ARSG: variants seen among roughly 807,000 people sequenced by gnomAD.
ARSG encodes arylsulfatase G.
Under a neutral mutation model 50.5 loss-of-function variants are expected in ARSG, and 37 were observed. That is an observed-to-expected ratio of 0.73 (90% CI 0.56 to 0.96). ARSG has a LOEUF of 0.96. Ranked by LOEUF, ARSG falls within the 50% of genes least tolerant of loss-of-function variation. The pLI is 0.00. For synonymous variants in ARSG, 225 were observed against 254.6 expected, an observed-to-expected ratio of 0.88 and a Z score of 1.11; for missense variants, 629 against 675.3, an observed-to-expected ratio of 0.93 and a Z score of 0.76.
At chr17:68,426,247 A>C (rs3744304), downstream of ARSG, 3 of 655,804 alleles carry the variant, frequency 4.6e-6, no homozygotes, top group East Asian at 4.3e-5. Flanking sequence ...GCGGGTGGGG[A>C]GCGGGGGCTC....
At chr17:68,444,536 C>T in the ARSG span, 3 of 1,614,168 alleles carry the variant, frequency 1.9e-6, no homozygotes, top group Non-Finnish European at 2.5e-6. Context: ...TCAACAGCTT[C>T]ATGTCTTTAA....
rs149045241 is a variant in ARSG at position 68,376,276 on chromosome 17, C to CGTTTTTTTTTTTTTTTTTTTTTTTTT, written c.982+5752_982+5753insGTTTTTTTTTTTTTTTTTTTTTTTTT. Among the ~76,000 whole-genome samples, 3 of 131,944 alleles carry CGTTTTTTTTTTTTTTTTTTTTTTTTT rather than the reference C, an allele frequency of 2.3e-5. 1 individual carries two copies. The highest frequency in any genetic ancestry group is 6.0e-5 in the African/African-American group (2 of 33,430). The allele number at this position is 131,944 out of a possible 152,430, so 86.6% of individuals were successfully genotyped here. On this transcript the variant is annotated intron_variant, in intron 8 of 11. Coordinates refer to ENST00000621439, the MANE Select transcript of ARSG (RefSeq NM_001267727.2). ...CAGGAGTGTGCCACTGCGCCCCCTGCATTTTTTTTTTTTTTTCTGAGATAG... is the reference window on the plus strand; with the variant it reads ...CAGGAGTGTGCCACTGCGCCCCCTGCGTTTTTTTTTTTTTTTTTTTTTTTTTATTTTTTTTTTTTTTTCTGAGATAG...
At chr17:68,263,420 G>A (rs2075104810) in intron 1 of ARSG, among the ~76,000 whole-genome samples, 1 of 152,218 alleles carries the variant, frequency 6.6e-6, no homozygotes, top group Non-Finnish European at 1.5e-5. Context: ...ATTTTTGCGT[G>A]TAACATGTCT....
chr17:68,317,458 C>T (rs907149365), intron 2 of ARSG, among the ~76,000 whole-genome samples: 2 of 151,252 alleles, frequency 1.3e-5, no homozygotes, highest in Non-Finnish European at 2.9e-5. Context: ...TAATGATGAA[C>T]TGTTTTGTTT....
rs190486575 is a variant in ARSG, at chr17:68,368,833, C to G, written c.901+89C>G. On this transcript the variant is annotated intron_variant, in intron 7 of 11. Coordinates refer to ENST00000621439, the MANE Select transcript of ARSG (RefSeq NM_001267727.2). ...GAAGAGCAGAGTCTGGCCCCGTGAT[C>G]CCCTTTCATAGGTCAGGAGGCTTGC... is the stretch of plus-strand genomic sequence containing the variant. 1.8e-5 allele frequency: 26 copies of G among 1,418,244 alleles called. No individual in the cohort carries two copies. The East Asian group carries it at 6.1e-4, about 33-fold the overall frequency. 87.9% of individuals were successfully genotyped at this position (1,418,244 alleles called of 1,614,324 possible).
chr17:68,321,675 C>T (rs2077289287), intron 2 of ARSG, among the ~76,000 whole-genome samples: 1 of 152,158 alleles, frequency 6.6e-6, no homozygotes, highest in Non-Finnish European at 1.5e-5. Flanking sequence ...CCAGTGCTAG[C>T]CTTCCCTGAT....
intron 2 of ARSG, among the ~76,000 whole-genome samples, chr17:68,329,633 G>A (rs1001042364): frequency 6.6e-6 from 1 of 152,176 alleles, no homozygotes; most frequent in African/African-American, 2.4e-5. Context: ...GTGATGGAGG[G>A]CCTGTAGACC....
rs577702985 is a variant in ARSG, at chr17:68,363,530, C to T, written c.705-5018C>T. Among the ~76,000 whole-genome samples the T allele has an allele frequency of 4.6e-5, 7 of 152,130 alleles. No individual in the cohort carries two copies. The South Asian group carries it at 6.2e-4, about 14-fold the overall frequency. The stretch of plus-strand genomic sequence containing the variant: ...TTGCCCAGGCTGGAGTGCAATGGCG[C>T]GATCTCGGCTCACCGCAACCTCTGC... On this transcript the variant is annotated intron_variant, in intron 6 of 11. Coordinates refer to ENST00000621439, the MANE Select transcript of ARSG (RefSeq NM_001267727.2).
At chr17:68,299,813 A>T (rs1182989490) in intron 1 of ARSG, among the ~76,000 whole-genome samples, 1 of 152,176 alleles carries the variant, frequency 6.6e-6, no homozygotes, top group Non-Finnish European at 1.5e-5. Context: ...ATTTTTGATG[A>T]TACTAACCAA....
chr17:68,330,688 G>A, intron 2 of ARSG, among the ~76,000 whole-genome samples: 1 of 152,074 alleles, frequency 6.6e-6, no homozygotes. Context: ...ACTGGCAAAG[G>A]AAGCAACCAC....
chr17:68,304,548 A>C (rs949624856), intron 1 of ARSG, among the ~76,000 whole-genome samples: 6 of 152,116 alleles, frequency 3.9e-5, no homozygotes, highest in African/African-American at 1.4e-4. Context: ...ATCCATGTGG[A>C]TTGATCAATT....
At chr17:68,285,791 T>C (rs1462361127) in intron 1 of ARSG, 1 of 152,034 alleles carries the variant, frequency 6.6e-6, no homozygotes, top group African/African-American at 2.4e-5. Flanking sequence ...ATTTATGTTT[T>C]GAGATGGAGT....
At chr17:68,395,965 C>T (rs537227055) in intron 10 of ARSG, among the ~76,000 whole-genome samples, 2 of 152,134 alleles carry the variant, frequency 1.3e-5, no homozygotes, top group East Asian at 1.9e-4. Flanking sequence ...CCAACATTCT[C>T]CCAGCTCCAG....
intron 2 of ARSG, among the ~76,000 whole-genome samples, chr17:68,341,253 G>GT (rs921953581): frequency 6.6e-6 from 1 of 151,986 alleles, no homozygotes; most frequent in Non-Finnish European, 1.5e-5. Context: ...AGCGTTTTTT[G>GT]TTTTTTGTTT....
At chr17:68,443,013 C>A in the ARSG span, among the ~76,000 whole-genome samples, 1 of 152,212 alleles carries the variant, frequency 6.6e-6, no homozygotes, top group African/African-American at 2.4e-5. Context: ...CTTCACGTAC[C>A]GTCTTCCATT....
chr17:68,371,252 G>A (rs113852865), intron 8 of ARSG, among the ~76,000 whole-genome samples: 2,763 of 145,838 alleles, frequency 0.019, 94 homozygotes, highest in African/African-American at 0.068. Context: ...CCTGGGAGGC[G>A]GAGCTTGCAG....
At chr17:68,349,889 A>C (rs1047433049) in intron 4 of ARSG, among the ~76,000 whole-genome samples, 2 of 152,132 alleles carry the variant, frequency 1.3e-5, no homozygotes, top group Non-Finnish European at 2.9e-5. Flanking sequence ...CTCAAAAAGA[A>C]AAAAAAATAC....
At chr17:68,346,212 C>CT (rs1420789668) in intron 3 of ARSG, among the ~76,000 whole-genome samples, 4 of 151,978 alleles carry the variant, frequency 2.6e-5, no homozygotes, top group Non-Finnish European at 5.9e-5. Context: ...TTTTATTAAT[C>CT]TTTTTTTTCA....
At chr17:68,346,648 G>A in intron 3 of ARSG, 2 of 1,079,800 alleles carry the variant, frequency 1.9e-6, no homozygotes, top group Non-Finnish European at 2.4e-6. Context: ...AGGTGTCTCG[G>A]TGCTTGAACT....
Sources: gnomAD v4.1 joint callset for allele counts (sites outside exome capture counted in the v4.1 genomes callset) on GRCh38, gnomAD v4.1.1 for gene constraint, MANE v1.5 for transcripts, NCBI Gene and HGNC (gene_info 2026-07-23, HGNC 2026-07-21) for gene names.